ANKS1B: variants seen among roughly 807,000 people sequenced by gnomAD.
ANKS1B encodes ankyrin repeat and sterile alpha motif domain-containing protein 1B.
A neutral mutation model predicts 148.3 loss-of-function variants in ANKS1B; 36 were observed. The observed-to-expected ratio is 0.24, with a 90% CI of 0.19 to 0.32. The LOEUF is 0.32. ANKS1B is among the 10% of genes least tolerant of loss of function. The pLI is 1.00. For synonymous variants in ANKS1B, 542 were observed against 560.8 expected, an observed-to-expected ratio of 0.97 and a Z score of 0.47; for missense variants, 1,157 against 1,542.6, an observed-to-expected ratio of 0.75 and a Z score of 4.19.
At position 99,053,183 on chromosome 12, in the gene ANKS1B, T is replaced by G. The variant is rs758177667; in HGVS notation, c.2752A>C (p.Lys918Gln). 23 of 1,609,072 alleles carry G rather than the reference T, an allele frequency of 1.4e-5. No homozygotes were observed. Among genetic ancestry groups the G allele is most frequent in the Non-Finnish European group, 2.0e-5 (23 of 1,177,714 alleles). The change falls in exon 17 of 27, where the codon AAA becomes CAA. Residue 918 changes from lysine to glutamine, a missense_variant. Lys to Gln is a moderately conservative substitution (Grantham distance 53). This residue lies in a region of ANKS1B where 258 missense variants were observed against 497.0 expected (regional missense o/e 0.52). Coordinates refer to ENST00000683438, the MANE Select transcript of ANKS1B (RefSeq NM_001352186.2). ...NGYTSMDLLK[K>Q]IWEVELINVL... is the part of the protein sequence containing the mutation. ...TTAATAAGTTCAACCTCCCAGATTT[T>G]TTTCAACAGGTCCATCGAAGTGTAG... is the stretch of plus-strand genomic sequence containing the variant.
intron 12 of ANKS1B, among the ~76,000 whole-genome samples, chr12:99,296,014 A>G (rs941720679): frequency 6.6e-6 from 1 of 152,206 alleles, no homozygotes. Context: ...AATTTTTAAT[A>G]TGGTATAAGG....
In ANKS1B at chr12:98,923,395, A is replaced by C. The variant is rs556822938; in HGVS notation, c.2779-91259T>G. Among the ~76,000 whole-genome samples the C allele has an allele frequency of 3.9e-5, 6 of 152,292 alleles. No individual in the cohort carries two copies. In the East Asian group the frequency reaches 9.6e-4, roughly 24 times the overall value. ...CCGTCTCAGGTAGTCTGTTCTAGCA[A>C]CATAAAACAGACTAAGACAGAGGTC... On this transcript the variant is annotated intron_variant, in intron 17 of 26. Transcript: ENST00000683438.
At chr12:99,635,719 C>T (rs1337789643) in intron 9 of ANKS1B, among the ~76,000 whole-genome samples, 1 of 151,976 alleles carries the variant, frequency 6.6e-6, no homozygotes, top group Non-Finnish European at 1.5e-5. Context: ...TTGAACTGTA[C>T]ACTTTAAAAA....
At chr12:99,478,819 G>A (rs987107310) in intron 10 of ANKS1B, among the ~76,000 whole-genome samples, 1 of 152,086 alleles carries the variant, frequency 6.6e-6, no homozygotes, top group African/African-American at 2.4e-5. Flanking sequence ...GATCAATCAT[G>A]CTAGAGGAAA....
intron 1 of ANKS1B, among the ~76,000 whole-genome samples, chr12:99,848,136 C>T (rs1374561357): frequency 6.6e-6 from 1 of 152,044 alleles, no homozygotes; most frequent in Non-Finnish European, 1.5e-5. Context: ...CTGAGGCTGA[C>T]TGCATGGTGT....
At chr12:98,888,310 T>C (rs1395235953) in intron 17 of ANKS1B, among the ~76,000 whole-genome samples, 1 of 152,224 alleles carries the variant, frequency 6.6e-6, no homozygotes, top group Non-Finnish European at 1.5e-5. Flanking sequence ...AATTTGATAT[T>C]CTGAATCATT....
rs141666777 is a variant in ANKS1B, at chr12:99,152,509, C to A, written c.2526+1780G>T. 3.7e-3 allele frequency among the ~76,000 whole-genome samples: 569 copies of A among 152,204 alleles called. 4 individuals are homozygous for A. The highest frequency in any genetic ancestry group is 0.013 in the African/African-American group (550 of 41,536). ...TTGAAGTGCTTATACATGATTCATT[C>A]ATGAATAATTTTTACGATCTCTCTT... is the stretch of plus-strand genomic sequence containing the variant. On this transcript the variant is annotated intron_variant, in intron 15 of 26. Coordinates refer to ENST00000683438, the MANE Select transcript of ANKS1B (RefSeq NM_001352186.2).
chr12:99,639,674 T>G (rs2098281493), intron 9 of ANKS1B, among the ~76,000 whole-genome samples: 1 of 152,102 alleles, frequency 6.6e-6, no homozygotes, highest in African/African-American at 2.4e-5. Flanking sequence ...AAAGGGGCAT[T>G]TCCCCCTTTG....
chr12:98,759,984 T>G (rs2098365488), intron 25 of ANKS1B, among the ~76,000 whole-genome samples: 1 of 124,260 alleles, frequency 8.0e-6, no homozygotes, highest in South Asian at 2.3e-4. Flanking sequence ...CGTCTAAAAA[T>G]AAATAAATAA....
chr12:99,412,613 C>T (rs562017782), intron 11 of ANKS1B, among the ~76,000 whole-genome samples: 17 of 152,236 alleles, frequency 1.1e-4, no homozygotes, highest in South Asian at 2.1e-4. Flanking sequence ...TTTAGAATTT[C>T]GCAAATGCCT....
intron 12 of ANKS1B, among the ~76,000 whole-genome samples, chr12:99,346,085 C>G (rs1378426225): frequency 6.6e-6 from 1 of 151,884 alleles, no homozygotes; most frequent in Non-Finnish European, 1.5e-5. Flanking sequence ...TGCTTTATAA[C>G]TCAACTTTAA....
intron 19 of ANKS1B, 34 bp from the exon 20 acceptor site, chr12:98,807,952 A>G: frequency 1.3e-6 from 2 of 1,563,922 alleles, no homozygotes; most frequent in Non-Finnish European, 8.8e-7. Context: ...TATCTTGTCA[A>G]TATTTAAAAC....
chr12:99,729,131 C>A (rs2058894841), intron 8 of ANKS1B, among the ~76,000 whole-genome samples: 1 of 152,162 alleles, frequency 6.6e-6, no homozygotes, highest in Admixed American at 6.5e-5. Context: ...ATATGAACAT[C>A]TCTGACATGA....
chr12:98,782,254 A>G, intron 22 of ANKS1B, 117 bp from the exon 23 acceptor site: 2 of 858,526 alleles, frequency 2.3e-6, no homozygotes, highest in Non-Finnish European at 3.7e-6. Context: ...ATTAAAAAAC[A>G]AAAGATGCCA....
chr12:99,581,876 C>T (rs2097573357), intron 9 of ANKS1B, among the ~76,000 whole-genome samples: 1 of 134,808 alleles, frequency 7.4e-6, no homozygotes, highest in Non-Finnish European at 1.5e-5. Flanking sequence ...CCAGCCTGGG[C>T]GACAGAGCGA....
chr12:99,758,172 C>G (rs1372385125), intron 8 of ANKS1B, among the ~76,000 whole-genome samples: 1 of 151,792 alleles, frequency 6.6e-6, no homozygotes, highest in African/African-American at 2.4e-5. Flanking sequence ...TCTCATCTGG[C>G]AGTATAATAT....
chr12:99,368,819 A>G (rs371573455), intron 12 of ANKS1B, among the ~76,000 whole-genome samples: 2 of 152,304 alleles, frequency 1.3e-5, no homozygotes, highest in African/African-American at 4.8e-5. Flanking sequence ...AATTAAAAAA[A>G]TAATTCAGAA....
chr12:99,571,960 T>C (rs1444257388), intron 9 of ANKS1B, among the ~76,000 whole-genome samples: 1 of 152,102 alleles, frequency 6.6e-6, no homozygotes, highest in Non-Finnish European at 1.5e-5. Context: ...TCCAAATATG[T>C]ATAAAACATA....
intron 1 of ANKS1B, among the ~76,000 whole-genome samples, chr12:99,869,063 T>A (rs917048354): frequency 6.6e-6 from 1 of 151,886 alleles, no homozygotes; most frequent in African/African-American, 2.4e-5. Flanking sequence ...TCTCAAAAAA[T>A]AAATAAATAA....
Sources: allele counts gnomAD v4.1 joint callset (sites outside exome capture counted in the v4.1 genomes callset), GRCh38; gene constraint gnomAD v4.1.1; regional missense constraint gnomAD v4.1.1; transcripts MANE v1.5; gene names NCBI Gene and HGNC (gene_info 2026-07-23, HGNC 2026-07-21).